The following SPOCK3 variants were observed in gnomAD, a reference collection of about 807,000 sequenced individuals.
SPOCK3 encodes SPARC (osteonectin), cwcv and kazal like domains proteoglycan 3.
SPOCK3 carries 30 observed loss-of-function variants against 56.6 expected under a neutral mutation model. That is an observed-to-expected ratio of 0.53 (90% confidence interval 0.40 to 0.72). SPOCK3 has a LOEUF of 0.72. SPOCK3 is among the 30% of genes least tolerant of loss of function. SPOCK3 has a pLI of 0.00. For synonymous variants in SPOCK3, 196 were observed against 183.3 expected (o/e 1.07, Z -0.56); for missense variants, 527 against 530.0 (o/e 0.99, Z 0.06).
chr4:167,233,920 G>A (rs1737448594), intron 2 of SPOCK3, 65 bp downstream of exon 2: 4 of 1,436,076 alleles, frequency 2.8e-6, no homozygotes, highest in South Asian at 1.2e-5. Context: ...CACATCCGGC[G>A]GCCGCGGCCC....
At chr4:166,815,219 G>T (rs1392648816) in intron 6 of SPOCK3, among the ~76,000 whole-genome samples, 2 of 151,416 alleles carry the variant, frequency 1.3e-5, no homozygotes, top group Non-Finnish European at 2.9e-5. Context: ...CTGTATTTGG[G>T]AATTTTCCCC....
chr4:166,812,927 C>G (rs967845433), intron 6 of SPOCK3, among the ~76,000 whole-genome samples: 14 of 151,880 alleles, frequency 9.2e-5, no homozygotes, highest in African/African-American at 3.1e-4. Context: ...TGGGAGTTTA[C>G]TCTAAAATCA....
At chr4:166,825,479 G>C (rs556301641) in intron 6 of SPOCK3, among the ~76,000 whole-genome samples, 14 of 152,042 alleles carry the variant, frequency 9.2e-5, no homozygotes, top group Non-Finnish European at 1.8e-4. Flanking sequence ...ACAGTACAGA[G>C]ATTCCTTAAA....
At chr4:167,202,906 C>G (rs1272895309) in intron 2 of SPOCK3, among the ~76,000 whole-genome samples, 2 of 151,780 alleles carry the variant, frequency 1.3e-5, no homozygotes, top group Non-Finnish European at 1.5e-5. Flanking sequence ...AATTTTTTCT[C>G]TCCACTTAAG....
chr4:167,152,734 C>G (rs1764523449), intron 2 of SPOCK3, among the ~76,000 whole-genome samples: 1 of 152,096 alleles, frequency 6.6e-6, no homozygotes, highest in Non-Finnish European at 1.5e-5. Flanking sequence ...AAAAGTTCAA[C>G]AAAACAAATA....
At chr4:166,898,235 T>C (rs1052476712) in intron 5 of SPOCK3, among the ~76,000 whole-genome samples, 2 of 152,084 alleles carry the variant, frequency 1.3e-5, no homozygotes, top group Non-Finnish European at 2.9e-5. Flanking sequence ...GTCTGGACAG[T>C]AGGTTTGGCT....
At chr4:167,101,903 A>G (rs915766994) in intron 2 of SPOCK3, among the ~76,000 whole-genome samples, 2 of 149,618 alleles carry the variant, frequency 1.3e-5, no homozygotes, top group Non-Finnish European at 3.0e-5. Context: ...TTTTTTTTTT[A>G]GTAGAGATGG....
rs1409928326 is a variant in SPOCK3, at chr4:166,946,170, A to AGT, written c.351-33428_351-33427insAC. Among the ~76,000 whole-genome samples, 89 of 152,188 alleles carry AGT rather than the reference A, an allele frequency of 5.8e-4. 3 individuals carry two copies. The South Asian group carries it at 0.018, about 30-fold the overall frequency. ...TAAAAATGTCCCAGTTTGGAGAGTA[A>AGT]TAACTTACTCTCCAAACCCCCACAT... is the stretch of plus-strand genomic sequence containing the variant. On this transcript the variant is annotated intron_variant, in intron 4 of 10. Transcript: ENST00000357545.
chr4:167,137,688 G>A (rs1261854090), intron 2 of SPOCK3, among the ~76,000 whole-genome samples: 3 of 151,780 alleles, frequency 2.0e-5, no homozygotes, highest in Non-Finnish European at 4.4e-5. Flanking sequence ...CCTGCCCATT[G>A]TAGGTAATAG....
intron 4 of SPOCK3, among the ~76,000 whole-genome samples, chr4:166,976,340 C>T (rs1745944013): frequency 6.6e-6 from 1 of 152,132 alleles, no homozygotes; most frequent in South Asian, 2.1e-4. Context: ...ATCATCCCAG[C>T]CATCAACATC....
intron 7 of SPOCK3, among the ~76,000 whole-genome samples, chr4:166,769,536 G>A (rs915088041): frequency 3.9e-5 from 6 of 152,140 alleles, no homozygotes; most frequent in South Asian, 4.2e-4. Flanking sequence ...CTGCCTGATC[G>A]TTCCTCTGGA....
intron 6 of SPOCK3, among the ~76,000 whole-genome samples, chr4:166,868,729 A>G (rs1732136952): frequency 6.6e-6 from 1 of 152,140 alleles, no homozygotes; most frequent in Non-Finnish European, 1.5e-5. Context: ...CTATATCAAT[A>G]TAATTTTCTT....
At chr4:167,187,300 A>T (rs1326206472) in intron 2 of SPOCK3, among the ~76,000 whole-genome samples, 3 of 150,074 alleles carry the variant, frequency 2.0e-5, no homozygotes, top group Non-Finnish European at 4.4e-5. Context: ...TCTCAATGAC[A>T]ATTTGCCAGG....
At chr4:166,950,213 T>C (rs1742373048) in intron 4 of SPOCK3, among the ~76,000 whole-genome samples, 1 of 151,710 alleles carries the variant, frequency 6.6e-6, no homozygotes, top group South Asian at 2.1e-4. Flanking sequence ...GAGACACACA[T>C]AGGCTCAAAA....
At chr4:167,175,480 G>A (rs910692831) in intron 2 of SPOCK3, among the ~76,000 whole-genome samples, 2 of 152,094 alleles carry the variant, frequency 1.3e-5, no homozygotes, top group African/African-American at 2.4e-5. Flanking sequence ...AAATTTAAAC[G>A]TTGAAAGCCT....
intron 2 of SPOCK3, among the ~76,000 whole-genome samples, chr4:167,199,398 C>T (rs1405164806): frequency 6.6e-6 from 1 of 151,820 alleles, no homozygotes; most frequent in African/African-American, 2.4e-5. Flanking sequence ...CTGCCTAACC[C>T]AAAGGTACAC....
At chr4:167,140,460 T>C (rs1359514197) in intron 2 of SPOCK3, among the ~76,000 whole-genome samples, 1 of 152,028 alleles carries the variant, frequency 6.6e-6, no homozygotes, top group Non-Finnish European at 1.5e-5. Flanking sequence ...AGATCCTCTT[T>C]TTCCCAATAC....
chr4:167,214,334 C>T (rs538619326), intron 2 of SPOCK3, among the ~76,000 whole-genome samples: 2 of 151,902 alleles, frequency 1.3e-5, no homozygotes, highest in African/African-American at 4.8e-5. Flanking sequence ...GATTATAAAC[C>T]CCACTTGTCT....
At chr4:166,835,114 G>A (rs893092168) in intron 6 of SPOCK3, among the ~76,000 whole-genome samples, 6 of 151,828 alleles carry the variant, frequency 4.0e-5, no homozygotes, top group African/African-American at 1.4e-4. Flanking sequence ...TAATAGTAAC[G>A]ATGTCTTACA....
Sources: allele counts gnomAD v4.1 joint callset (sites outside exome capture counted in the v4.1 genomes callset), GRCh38; gene constraint gnomAD v4.1.1; transcripts MANE v1.5; gene names NCBI Gene and HGNC (gene_info 2026-07-23, HGNC 2026-07-21).